TRIOBP: variants seen among roughly 807,000 people sequenced by gnomAD.
TRIOBP encodes TRIO and F-actin binding protein, also known as TRIO and F-actin-binding protein.
A neutral mutation model predicts 238.8 loss-of-function variants in TRIOBP; 169 were observed. That is an observed-to-expected ratio of 0.71 (90% CI 0.62 to 0.80). The LOEUF (loss-of-function observed/expected upper bound fraction) is 0.80, where lower values mean the gene tolerates loss of function less well. Among genes scored for constraint, TRIOBP ranks in the 30% least tolerant of loss-of-function variants. The pLI is 0.00. For missense variants in TRIOBP, 2,838 were observed against 3,122.6 expected (o/e 0.91, Z 2.17); for synonymous variants, 1,150 against 1,274.4 (o/e 0.90, Z 2.08).
In TRIOBP at chr22:37,746,070, C is replaced by CGCCGTCCCGCCGCCT. The variant is rs1465947600; in HGVS notation, c.5322+5038_5322+5039insGCCGTCCCGCCGCCT. Among the ~76,000 whole-genome samples, 1,391 of 148,334 alleles carry CGCCGTCCCGCCGCCT rather than the reference C, an allele frequency of 9.4e-3. 9 individuals are homozygous for CGCCGTCCCGCCGCCT. Among genetic ancestry groups the CGCCGTCCCGCCGCCT allele is most frequent in the Middle Eastern group, 0.024 (7 of 292 alleles). On this transcript the variant is annotated intron_variant, in intron 11 of 23. Coordinates refer to ENST00000644935, the MANE Select transcript of TRIOBP (RefSeq NM_001039141.3). ...CCCGCCGTCCCGCCGTCCCGCCGCC[C>CGCCGTCCCGCCGCCT]CGCCGCCCTAGCGCGCCCGTCCCGT...
At chr22:37,769,426 G>A (rs1480313941) in intron 21 of TRIOBP, 51 bp downstream of exon 21, 2 of 1,497,742 alleles carry the variant, frequency 1.3e-6, no homozygotes, top group Non-Finnish European at 9.0e-7. Context: ...GGGGCCCGGG[G>A]CTATGGGGCA....
chr22:37,704,904 CAAAAA>C (rs55816795), intron 3 of TRIOBP, among the ~76,000 whole-genome samples: 3 of 131,324 alleles, frequency 2.3e-5, no homozygotes, highest in Non-Finnish European at 3.2e-5. Flanking sequence ...CCATTTCTAC[CAAAAA>C]AAAAAAAAAA....
At chr22:37,758,167 G>A in intron 16 of TRIOBP, 29 bp downstream of exon 16, 1 of 1,609,350 alleles carries the variant, frequency 6.2e-7, no homozygotes, top group Non-Finnish European at 8.5e-7. Flanking sequence ...TCTCTAGGAG[G>A]CCCCTTGCCC....
At chr22:37,718,449 C>T (rs1050616414) in intron 6 of TRIOBP, among the ~76,000 whole-genome samples, 12 of 152,064 alleles carry the variant, frequency 7.9e-5, no homozygotes, top group South Asian at 6.2e-4. Context: ...AGAAAGGCAC[C>T]CTTAGGCTGG....
intron 10 of TRIOBP, among the ~76,000 whole-genome samples, chr22:37,740,646 G>A (rs1014588629): frequency 1.3e-5 from 2 of 152,264 alleles, no homozygotes; most frequent in Non-Finnish European, 2.9e-5. Flanking sequence ...GCTGGCGCCC[G>A]TGGTTTGACT....
At chr22:37,714,010 T>A (rs1472553938) in intron 5 of TRIOBP, among the ~76,000 whole-genome samples, 2 of 152,156 alleles carry the variant, frequency 1.3e-5, no homozygotes, top group Non-Finnish European at 2.9e-5. Context: ...CAACCCAGCC[T>A]CACACGCTTC....
Position 37,715,934 on chromosome 22 carries a change from G to A in TRIOBP, c.628G>A (p.Asp210Asn). Residue 210 changes from aspartate (D) to asparagine (N), a missense_variant and splice_region_variant, in exon 6 of 24, where the codon GAC (aspartate) becomes AAC (asparagine). Coordinates refer to ENST00000644935, the MANE Select transcript of TRIOBP (RefSeq NM_001039141.3). Reference protein sequence around the residue: ...GGDAAGQKKEDTGGGGRSAGQ... With the variant: ...GGDAAGQKKENTGGGGRSAGQ... ...AGATGCTGCAGGCCAGAAAAAGGAG[G>A]GTGAGTCCTTCTGCCAGGTTGGTTC... The A allele has an allele frequency of 6.2e-7, 1 of 1,612,396 alleles. No homozygotes were observed. The highest frequency in any genetic ancestry group is 8.5e-7 in the Non-Finnish European group (1 of 1,179,816).
At chr22:37,753,210 C>T (rs1925714114) in intron 12 of TRIOBP, among the ~76,000 whole-genome samples, 1 of 152,216 alleles carries the variant, frequency 6.6e-6, no homozygotes. Flanking sequence ...GCCATCCACA[C>T]AAGAGAGGAT....
intron 17 of TRIOBP, among the ~76,000 whole-genome samples, chr22:37,765,347 G>A (rs1302343599): frequency 2.0e-5 from 3 of 152,190 alleles, no homozygotes; most frequent in Non-Finnish European, 2.9e-5. Flanking sequence ...GCTCAGAGGT[G>A]TGAACGTGCT....
chr22:37,737,573 A>G (rs1435955937), intron 9 of TRIOBP, among the ~76,000 whole-genome samples: 2 of 150,068 alleles, frequency 1.3e-5, no homozygotes, highest in Admixed American at 6.7e-5. Flanking sequence ...AGACAGGAGA[A>G]TGGTGTGAAC....
chr22:37,755,949 G>T (rs1925898278), intron 15 of TRIOBP, among the ~76,000 whole-genome samples: 1 of 152,184 alleles, frequency 6.6e-6, no homozygotes, highest in African/African-American at 2.4e-5. Context: ...TGCCGTGGGG[G>T]CCGTGTCTAA....
At chr22:37,715,462 C>T (rs1351120861) in intron 5 of TRIOBP, among the ~76,000 whole-genome samples, 1 of 152,166 alleles carries the variant, frequency 6.6e-6, no homozygotes, top group South Asian at 2.1e-4. Context: ...CCTGCCTCAG[C>T]TTCCCAAGTA....
intron 21 of TRIOBP, among the ~76,000 whole-genome samples, chr22:37,771,177 G>A (rs1014291257): frequency 6.6e-6 from 1 of 152,180 alleles, no homozygotes; most frequent in African/African-American, 2.4e-5. Flanking sequence ...TTTTATAGCT[G>A]GACTGGGATT....
intron 12 of TRIOBP, among the ~76,000 whole-genome samples, chr22:37,753,311 G>A (rs1021554994): frequency 6.6e-6 from 1 of 150,684 alleles, no homozygotes; most frequent in Non-Finnish European, 1.5e-5. Context: ...TTTCACTCTT[G>A]TTGCCCAGGC....
intron 17 of TRIOBP, 36 bp from the exon 18 acceptor site, chr22:37,765,634 G>A (rs949781818): frequency 1.5e-5 from 23 of 1,548,058 alleles, no homozygotes; most frequent in African/African-American, 2.7e-5. Flanking sequence ...CCAGAGGAAC[G>A]GGGCAGCCTG....
intron 3 of TRIOBP, among the ~76,000 whole-genome samples, 186 bp from the exon 4 acceptor site, chr22:37,710,241 G>A (rs1923165236): frequency 6.6e-6 from 1 of 152,214 alleles, no homozygotes; most frequent in Non-Finnish European, 1.5e-5. Flanking sequence ...CACACACCAG[G>A]TACCTCAGCC....
chr22:37,768,289 C>T (rs1015364019), intron 19 of TRIOBP, 113 bp downstream of exon 19: 2 of 865,260 alleles, frequency 2.3e-6, no homozygotes, highest in Non-Finnish European at 3.8e-6. Flanking sequence ...GATTCCTGCT[C>T]CAGTCTCATG....
chr22:37,760,573 T>C (rs1028527984), intron 17 of TRIOBP, among the ~76,000 whole-genome samples: 1 of 152,202 alleles, frequency 6.6e-6, no homozygotes, highest in Non-Finnish European at 1.5e-5. Context: ...CATAGTTAAT[T>C]TAAAGTATAT....
chr22:37,719,327 C>T (rs1438732721), intron 6 of TRIOBP, among the ~76,000 whole-genome samples: 1 of 152,038 alleles, frequency 6.6e-6, no homozygotes, highest in East Asian at 1.9e-4. Context: ...GATACACAGT[C>T]ACAGCTCCTG....
Sources: gnomAD v4.1 joint callset for allele counts (sites outside exome capture counted in the v4.1 genomes callset) on GRCh38, gnomAD v4.1.1 for gene constraint, MANE v1.5 for transcripts, NCBI Gene and HGNC (gene_info 2026-07-23, HGNC 2026-07-21) for gene names.